The following ATRNL1 variants were observed in gnomAD, a reference collection of about 807,000 sequenced individuals.
ATRNL1 encodes attractin-like protein 1.
A neutral mutation model predicts 182.7 loss-of-function variants in ATRNL1; 95 were observed. That is an observed-to-expected ratio of 0.52 (90% CI 0.44 to 0.62). The LOEUF is 0.62. Among genes scored for constraint, ATRNL1 ranks in the 20% least tolerant of loss-of-function variants. ATRNL1 has a pLI of 0.00. For missense variants in ATRNL1, 1,471 were observed against 1,679.5 expected, an observed-to-expected ratio of 0.88 and a Z score of 2.17; for synonymous variants, 576 against 568.3, an observed-to-expected ratio of 1.01 and a Z score of -0.19.
intron 26 of ATRNL1, among the ~76,000 whole-genome samples, 163 bp from the exon 27 acceptor site, chr10:115,727,085 C>T (rs191000014): frequency 7.6e-4 from 116 of 152,146 alleles, no homozygotes; most frequent in Non-Finnish European, 1.3e-3. Flanking sequence ...GCCAAGGCCA[C>T]GGGGAGAAAG....
At position 115,183,124 on chromosome 10, in the gene ATRNL1, A is replaced by G. The variant is rs1431797476; in HGVS notation, c.1348+11832A>G. On this transcript the variant is annotated intron_variant, in intron 8 of 28. Coordinates refer to ENST00000355044, the MANE Select transcript of ATRNL1 (RefSeq NM_207303.4). ...CCTGAATATTAAATAAAATCTTTCT[A>G]TTGGGTGAATGGGGAAATACAAGGA... Among the ~76,000 whole-genome samples, 10 of 151,594 alleles carry G rather than the reference A, an allele frequency of 6.6e-5. No homozygotes were observed. In the East Asian group the frequency reaches 1.5e-3, roughly 23 times the overall value.
chr10:115,904,299 G>C (rs1952437704), intron 28 of ATRNL1, among the ~76,000 whole-genome samples: 1 of 152,140 alleles, frequency 6.6e-6, no homozygotes, highest in Admixed American at 6.5e-5. Context: ...GTGGCATTTG[G>C]GGTTTTGAGT....
At chr10:115,477,079 A>T (rs1230138741) in intron 24 of ATRNL1, among the ~76,000 whole-genome samples, 1 of 151,566 alleles carries the variant, frequency 6.6e-6, no homozygotes, top group Non-Finnish European at 1.5e-5. Flanking sequence ...CTCTTAAAAA[A>T]GTTTTAACAT....
chr10:115,368,958 C>A (rs1177149573), intron 19 of ATRNL1, among the ~76,000 whole-genome samples: 1 of 152,084 alleles, frequency 6.6e-6, no homozygotes, highest in Admixed American at 6.5e-5. Context: ...AGGTGATCTG[C>A]CTGCCTTGGC....
At chr10:115,646,768 G>A (rs1475817433) in intron 26 of ATRNL1, among the ~76,000 whole-genome samples, 205 of 151,194 alleles carry the variant, frequency 1.4e-3, no homozygotes, top group African/African-American at 4.7e-3. Context: ...TATCTAATCT[G>A]CTTTATTTTT....
chr10:115,895,536 C>A (rs1952185103), intron 28 of ATRNL1, among the ~76,000 whole-genome samples: 1 of 152,196 alleles, frequency 6.6e-6, no homozygotes, highest in South Asian at 2.1e-4. Flanking sequence ...AGTGAAACAT[C>A]TTCTGCCTGT....
chr10:115,759,043 T>C (rs1948665226), intron 27 of ATRNL1, among the ~76,000 whole-genome samples: 1 of 152,228 alleles, frequency 6.6e-6, no homozygotes, highest in African/African-American at 2.4e-5. Flanking sequence ...CAACAGCCCA[T>C]TAATATAGGC....
chr10:115,500,106 A>G (rs1849745585), intron 24 of ATRNL1, among the ~76,000 whole-genome samples: 1 of 152,142 alleles, frequency 6.6e-6, no homozygotes. Flanking sequence ...CAAAGGAACA[A>G]TCCTGGATAA....
chr10:115,614,745 C>A (rs1857346791), intron 26 of ATRNL1, among the ~76,000 whole-genome samples: 1 of 151,888 alleles, frequency 6.6e-6, no homozygotes, highest in Admixed American at 6.6e-5. Flanking sequence ...TATTTTCTTG[C>A]CAAACTGATC....
intron 19 of ATRNL1, among the ~76,000 whole-genome samples, chr10:115,339,515 C>T (rs1199695736): frequency 6.6e-6 from 1 of 152,020 alleles, no homozygotes; most frequent in Non-Finnish European, 1.5e-5. Context: ...ATATTGTTCA[C>T]TATTGGCATA....
intron 20 of ATRNL1, among the ~76,000 whole-genome samples, chr10:115,418,663 G>A (rs1845514084): frequency 6.6e-6 from 1 of 152,070 alleles, no homozygotes; most frequent in Admixed American, 6.6e-5. Flanking sequence ...AACTCACAAA[G>A]ATCAATGACT....
At chr10:115,805,000 T>C (rs991530596) in intron 27 of ATRNL1, among the ~76,000 whole-genome samples, 1 of 152,192 alleles carries the variant, frequency 6.6e-6, no homozygotes, top group Non-Finnish European at 1.5e-5. Flanking sequence ...TACATTTGTG[T>C]ATTGAGTGGG....
At chr10:115,336,286 A>T (rs1254346880) in intron 19 of ATRNL1, among the ~76,000 whole-genome samples, 3 of 152,184 alleles carry the variant, frequency 2.0e-5, no homozygotes, top group African/African-American at 7.2e-5. Context: ...TAAAAGCCAC[A>T]GCTTAGTGCT....
intron 25 of ATRNL1, among the ~76,000 whole-genome samples, chr10:115,545,730 T>G (rs1301786331): frequency 3.3e-5 from 5 of 152,240 alleles, no homozygotes; most frequent in Admixed American, 3.3e-4. Context: ...GGTATTTAAG[T>G]TGTATCTACT....
intron 7 of ATRNL1, among the ~76,000 whole-genome samples, chr10:115,170,469 G>C (rs1847244954): frequency 6.6e-6 from 1 of 152,120 alleles, no homozygotes; most frequent in African/African-American, 2.4e-5. Flanking sequence ...TGGTAACAGA[G>C]GTGTACTCTA....
intron 10 of ATRNL1, among the ~76,000 whole-genome samples, chr10:115,261,315 C>T (rs77021148): frequency 0.04 from 6,079 of 152,164 alleles, 412 homozygotes; most frequent in African/African-American, 0.14. Flanking sequence ...CTCCAATGTA[C>T]ACTTTATTTA....
chr10:115,699,840 GC>G (rs1555050947), intron 26 of ATRNL1, among the ~76,000 whole-genome samples: 1 of 152,056 alleles, frequency 6.6e-6, no homozygotes, highest in East Asian at 1.9e-4. Flanking sequence ...CTTTCCTCCT[GC>G]TCTCTCATCT....
chr10:115,854,545 C>A (rs541262637), intron 28 of ATRNL1, among the ~76,000 whole-genome samples: 1 of 152,316 alleles, frequency 6.6e-6, no homozygotes, highest in African/African-American at 2.4e-5. Flanking sequence ...ACTGCCGATC[C>A]TGTGGGTCTT....
chr10:115,870,041 C>A (rs1951544116), intron 28 of ATRNL1, among the ~76,000 whole-genome samples: 1 of 123,716 alleles, frequency 8.1e-6, no homozygotes, highest in South Asian at 2.6e-4. Context: ...AAACTTTTGT[C>A]CACATCTCTG....
Sources: allele counts gnomAD v4.1 joint callset (sites outside exome capture counted in the v4.1 genomes callset), GRCh38; gene constraint gnomAD v4.1.1; transcripts MANE v1.5; gene names NCBI Gene and HGNC (gene_info 2026-07-23, HGNC 2026-07-21).